GPM6A: variants seen among roughly 807,000 people sequenced by gnomAD.
GPM6A encodes the protein glycoprotein M6A.
Under a neutral mutation model 32.1 loss-of-function variants are expected in GPM6A, and 7 were observed. That is an observed-to-expected ratio of 0.22 (90% confidence interval 0.12 to 0.41). GPM6A has a LOEUF of 0.41. Among genes scored for constraint, GPM6A ranks in the 10% least tolerant of loss-of-function variants. The pLI, the probability that GPM6A is intolerant of heterozygous loss-of-function variation, is 1.00. For missense variants in GPM6A, 235 were observed against 347.2 expected, an observed-to-expected ratio of 0.68 and a Z score of 2.57; for synonymous variants, 130 against 123.4, an observed-to-expected ratio of 1.05 and a Z score of -0.35.
intron 1 of GPM6A, among the ~76,000 whole-genome samples, chr4:175,992,946 A>G (rs1741195588): frequency 6.6e-6 from 1 of 152,210 alleles, no homozygotes; most frequent in South Asian, 2.1e-4. Flanking sequence ...TAAATAATAA[A>G]TGTATATCAT....
At chr4:175,800,278 A>G (rs1734422665) in intron 1 of GPM6A, among the ~76,000 whole-genome samples, 1 of 152,224 alleles carries the variant, frequency 6.6e-6, no homozygotes. Context: ...ACCCAAAATT[A>G]TATAGCATAT....
intron 1 of GPM6A, among the ~76,000 whole-genome samples, chr4:175,861,597 C>A (rs1049394748): frequency 2.0e-5 from 3 of 151,460 alleles, no homozygotes; most frequent in African/African-American, 7.3e-5. Flanking sequence ...ACTAAAAATA[C>A]AAAAATTAAC....
At chr4:175,649,443 A>G (rs1741655423) in intron 4 of GPM6A, among the ~76,000 whole-genome samples, 1 of 152,236 alleles carries the variant, frequency 6.6e-6, no homozygotes, top group Non-Finnish European at 1.5e-5. Context: ...CCTTTAGAAA[A>G]CAAACTTGGG....
intron 4 of GPM6A, among the ~76,000 whole-genome samples, chr4:175,648,918 G>A (rs1741626288): frequency 6.6e-6 from 1 of 152,110 alleles, no homozygotes; most frequent in African/African-American, 2.4e-5. Flanking sequence ...CCCATTGAAA[G>A]TAATCTCACA....
At chr4:175,947,711 AAC>A (rs1739655819) in intron 1 of GPM6A, 1 of 152,322 alleles carries the variant, frequency 6.6e-6, no homozygotes, top group Admixed American at 6.5e-5. Context: ...AAAATAAAAA[AAC>A]ACAAATAATT....
intron 1 of GPM6A, among the ~76,000 whole-genome samples, chr4:175,949,912 T>C (rs1427846492): frequency 1.3e-5 from 2 of 152,212 alleles, no homozygotes; most frequent in African/African-American, 2.4e-5. Flanking sequence ...TGTAGCCTTA[T>C]GAGTTCTCAC....
At chr4:175,957,822 T>G (rs971045711) in intron 1 of GPM6A, among the ~76,000 whole-genome samples, 6 of 152,238 alleles carry the variant, frequency 3.9e-5, no homozygotes, top group African/African-American at 1.4e-4. Flanking sequence ...GTAACATTAA[T>G]GTAACTTGTA....
At chr4:175,892,330 T>C (rs1047228753) in intron 1 of GPM6A, among the ~76,000 whole-genome samples, 1 of 152,198 alleles carries the variant, frequency 6.6e-6, no homozygotes, top group Non-Finnish European at 1.5e-5. Flanking sequence ...TATTGTTCCC[T>C]ATCCCTTCCC....
At chr4:175,830,148 G>A (rs1735564395) in intron 1 of GPM6A, among the ~76,000 whole-genome samples, 1 of 152,102 alleles carries the variant, frequency 6.6e-6, no homozygotes, top group African/African-American at 2.4e-5. Context: ...GTGGGGGCAT[G>A]AGAATCAACA....
chr4:175,830,823 T>A (rs936084706), intron 1 of GPM6A, among the ~76,000 whole-genome samples: 3 of 151,980 alleles, frequency 2.0e-5, no homozygotes, highest in Admixed American at 2.0e-4. Flanking sequence ...TTTTTTTTCA[T>A]ATTGATTTGT....
chr4:175,847,293 C>A (rs1218451251), intron 1 of GPM6A, among the ~76,000 whole-genome samples: 1 of 152,180 alleles, frequency 6.6e-6, no homozygotes, highest in Non-Finnish European at 1.5e-5. Context: ...CACTTATATG[C>A]ATTATTGCTT....
chr4:175,973,866 C>CT (rs1348050570), intron 1 of GPM6A, among the ~76,000 whole-genome samples: 2 of 152,106 alleles, frequency 1.3e-5, no homozygotes, highest in African/African-American at 4.8e-5. Context: ...TTTATGCTGA[C>CT]TTTTTTTTCA....
intron 1 of GPM6A, among the ~76,000 whole-genome samples, chr4:175,920,311 T>A (rs1453455854): frequency 6.6e-6 from 1 of 152,198 alleles, no homozygotes; most frequent in Non-Finnish European, 1.5e-5. Context: ...AAGTCACTTA[T>A]CCTCTCTTGT....
At chr4:175,817,406 C>T (rs1735141558) in intron 1 of GPM6A, among the ~76,000 whole-genome samples, 1 of 152,200 alleles carries the variant, frequency 6.6e-6, no homozygotes, top group Admixed American at 6.5e-5. Context: ...AATTCCTGCC[C>T]TAATTAGGCC....
At chr4:175,972,798 G>C (rs1006968122) in intron 1 of GPM6A, among the ~76,000 whole-genome samples, 2 of 152,110 alleles carry the variant, frequency 1.3e-5, no homozygotes, top group African/African-American at 4.8e-5. Flanking sequence ...ATTATGAAGG[G>C]AAAATTAGTT....
chr4:175,812,905 A>G (rs1297630954), upstream of GPM6A: 3 of 984,052 alleles, frequency 3.0e-6, no homozygotes, highest in South Asian at 4.7e-5. Context: ...CAGTTATACC[A>G]TCTCAGGGTT....
At chr4:175,757,906 A>C (rs1732592471) in intron 1 of GPM6A, among the ~76,000 whole-genome samples, 1 of 152,232 alleles carries the variant, frequency 6.6e-6, no homozygotes, top group African/African-American at 2.4e-5. Context: ...TAGCCAAGAA[A>C]TGGAATTAAA....
rs1740458982 is a variant in GPM6A at position 175,634,408 on chromosome 4, C to T, written c.*497G>A. On this transcript the variant is annotated 3_prime_UTR_variant, in exon 7 of 7. Transcript: ENST00000393658. The stretch of plus-strand genomic sequence containing the variant: ...GGCCACTGATCTTCAGACAAAATTT[C>T]CATATTTCAAGAGTCATCAAGATGT... 2 of 152,514 alleles carry T rather than the reference C, an allele frequency of 1.3e-5. No homozygotes were observed. Among genetic ancestry groups the T allele is most frequent in the South Asian group, 4.1e-4 (2 of 4,836 alleles). 9.4% of individuals were successfully genotyped at this position (152,514 alleles called of 1,614,324 possible).
At chr4:175,679,248 C>T (rs1010585632) in intron 2 of GPM6A, among the ~76,000 whole-genome samples, 13 of 152,028 alleles carry the variant, frequency 8.6e-5, no homozygotes, top group Admixed American at 6.6e-4. Flanking sequence ...CCTTTTTGAA[C>T]GGAATGTTCC....
Sources: allele counts gnomAD v4.1 joint callset (sites outside exome capture counted in the v4.1 genomes callset), GRCh38; gene constraint gnomAD v4.1.1; transcripts MANE v1.5; gene names NCBI Gene and HGNC (gene_info 2026-07-23, HGNC 2026-07-21).